The following NEBL variants were observed in gnomAD, a reference collection of about 807,000 sequenced individuals.
NEBL encodes LIM and SH3 protein 2.
A neutral mutation model predicts 140.2 loss-of-function variants in NEBL; 122 were observed. That is an observed-to-expected ratio of 0.87 (90% CI 0.75 to 1.01). NEBL has a LOEUF of 1.01. NEBL is among the 50% of genes least tolerant of loss of function. NEBL has a pLI of 0.00. For missense variants in NEBL, 1,365 were observed against 1,231.3 expected (o/e 1.11, Z -1.62); for synonymous variants, 436 against 398.9 (o/e 1.09, Z -1.11).
At chr10:21,012,522 G>GC (rs969662595) in intron 3 of NEBL, among the ~76,000 whole-genome samples, 5 of 151,932 alleles carry the variant, frequency 3.3e-5, no homozygotes, top group Non-Finnish European at 7.4e-5. Flanking sequence ...ACCATGCCTA[G>GC]CTTATTTATT....
rs952418767 is a variant in NEBL, at chr10:20,965,287, G to T, written c.250-3508C>A. 4.6e-5 allele frequency among the ~76,000 whole-genome samples: 7 copies of T among 152,344 alleles called. No individual in the cohort carries two copies. The South Asian group carries it at 1.5e-3, about 32-fold the overall frequency. Reference sequence around the variant, plus strand: ...TATGTAGGTCATAAATGGTATGTTAGTGGGAAGCGCTAAGAGAGAAAAATA... The same window carrying T: ...TATGTAGGTCATAAATGGTATGTTATTGGGAAGCGCTAAGAGAGAAAAATA... On this transcript the variant is annotated intron_variant, in intron 3 of 6. Coordinates refer to the NEBL transcript ENST00000417816.
At chr10:20,840,610 C>T in intron 13 of NEBL, 129 bp downstream of exon 13, 3 of 686,116 alleles carry the variant, frequency 4.4e-6, no homozygotes, top group Non-Finnish European at 5.1e-6. Context: ...GAAAAGACTA[C>T]AAGGATATAG....
intron 2 of NEBL, among the ~76,000 whole-genome samples, chr10:21,038,003 A>G (rs1195531696): frequency 1.3e-5 from 2 of 152,190 alleles, no homozygotes; most frequent in African/African-American, 4.8e-5. Context: ...TTTCAGAATC[A>G]AAAGTAGATT....
At chr10:21,104,767 A>C (rs1837633487) in intron 2 of NEBL, among the ~76,000 whole-genome samples, 1 of 152,184 alleles carries the variant, frequency 6.6e-6, no homozygotes, top group South Asian at 2.1e-4. Flanking sequence ...ACTATGTTAA[A>C]TAGAAGTAAT....
chr10:20,836,404 G>A (rs958510804), intron 13 of NEBL, among the ~76,000 whole-genome samples: 6 of 152,150 alleles, frequency 3.9e-5, no homozygotes, highest in Admixed American at 3.9e-4. Context: ...TGTATTTTTA[G>A]TAGAGACCAG....
At chr10:20,993,587 C>T (rs147305131) in intron 3 of NEBL, among the ~76,000 whole-genome samples, 1 of 152,166 alleles carries the variant, frequency 6.6e-6, no homozygotes, top group African/African-American at 2.4e-5. Flanking sequence ...GGCAGCTATA[C>T]AGAACATGTT....
chr10:20,815,834 T>A, intron 21 of NEBL, 117 bp from the exon 22 acceptor site: 1 of 766,832 alleles, frequency 1.3e-6, no homozygotes, highest in Non-Finnish European at 2.3e-6. Flanking sequence ...AGTGGTACAA[T>A]CTTTGCTCAC....
intron 3 of NEBL, among the ~76,000 whole-genome samples, chr10:20,991,713 A>G (rs1202273687): frequency 6.6e-6 from 1 of 151,736 alleles, no homozygotes; most frequent in Admixed American, 6.6e-5. Context: ...CTCATTGCCC[A>G]GGTAGTGAAC....
At chr10:20,999,856 A>G (rs772808600) in intron 3 of NEBL, among the ~76,000 whole-genome samples, 6 of 152,008 alleles carry the variant, frequency 3.9e-5, no homozygotes, top group Non-Finnish European at 7.4e-5. Context: ...ATAATAATCT[A>G]TACTCTAATT....
chr10:21,104,463 A>T (rs893153213), intron 2 of NEBL, among the ~76,000 whole-genome samples: 1 of 152,156 alleles, frequency 6.6e-6, no homozygotes, highest in East Asian at 1.9e-4. Flanking sequence ...CCTCAAATTT[A>T]TCCCCAGTAT....
chr10:21,162,179 T>G (rs1014817174), intron 2 of NEBL, among the ~76,000 whole-genome samples: 1 of 152,202 alleles, frequency 6.6e-6, no homozygotes, highest in Non-Finnish European at 1.5e-5. Context: ...AAAACACATA[T>G]TGATCCCACA....
At chr10:21,196,101 T>A (rs1841642954) in intron 3 of NEBL, among the ~76,000 whole-genome samples, 3 of 152,098 alleles carry the variant, frequency 2.0e-5, no homozygotes, top group Non-Finnish European at 4.4e-5. Flanking sequence ...ACTCCCGGGT[T>A]CAAGTGATTC....
chr10:21,106,156 T>C (rs1318225382), intron 2 of NEBL, among the ~76,000 whole-genome samples: 1 of 152,174 alleles, frequency 6.6e-6, no homozygotes, highest in Non-Finnish European at 1.5e-5. Flanking sequence ...ACTCTGATGA[T>C]AGTTTCTTTT....
intron 3 of NEBL, among the ~76,000 whole-genome samples, chr10:20,889,077 C>A (rs1488822977): frequency 1.3e-5 from 2 of 152,092 alleles, no homozygotes; most frequent in African/African-American, 4.8e-5. Flanking sequence ...AGAAATAATC[C>A]CAAGGACATC....
chr10:20,992,211 C>T lies in NEBL; in HGVS notation c.249+27906G>A, dbSNP rs1352564197. 3.9e-5 allele frequency among the ~76,000 whole-genome samples: 6 copies of T among 152,224 alleles called. No individual in the cohort carries two copies. In the South Asian group the frequency reaches 8.3e-4, roughly 21 times the overall value. The stretch of plus-strand genomic sequence containing the variant: ...AACGTTGGTTTAAAAATAGATATTA[C>T]AGATGTATATGAACATTTTTTATGT... On this transcript the variant is annotated intron_variant, in intron 3 of 6. Transcript: ENST00000417816.
At position 20,817,700 on chromosome 10, in the gene NEBL, G is replaced by T. The variant is rs776696922; in HGVS notation, c.2056-8C>A. ...TTCTCCCTTATATTTTACCTAAGAA[G>T]GATAAATAAGAACTTTAACAGATAG... On this transcript the variant is annotated splice_polypyrimidine_tract_variant and splice_region_variant and intron_variant, in intron 20 of 27. Transcript: ENST00000377122. 1 of 1,598,082 alleles carries T rather than the reference G, an allele frequency of 6.3e-7. No homozygotes were observed. The highest frequency in any genetic ancestry group is 1.3e-5 in the African/African-American group (1 of 74,474).
chr10:21,053,736 A>C (rs1038729745), intron 2 of NEBL, among the ~76,000 whole-genome samples: 1 of 152,170 alleles, frequency 6.6e-6, no homozygotes, highest in Non-Finnish European at 1.5e-5. Flanking sequence ...AGTGGGATTT[A>C]AGAAGTATGC....
intron 4 of NEBL, among the ~76,000 whole-genome samples, chr10:20,957,102 C>T (rs1262351388): frequency 6.6e-6 from 1 of 152,122 alleles, no homozygotes; most frequent in Non-Finnish European, 1.5e-5. Context: ...TCATGTTCAC[C>T]CTTGCACTCA....
intron 3 of NEBL, among the ~76,000 whole-genome samples, chr10:21,008,045 C>A (rs1482773142): frequency 6.6e-6 from 1 of 152,126 alleles, no homozygotes; most frequent in African/African-American, 2.4e-5. Context: ...AGAAAAGACA[C>A]TTCATGTTTT....
Sources: gnomAD v4.1 joint callset for allele counts (sites outside exome capture counted in the v4.1 genomes callset) on GRCh38, gnomAD v4.1.1 for gene constraint, MANE v1.5 for transcripts, NCBI Gene and HGNC (gene_info 2026-07-23, HGNC 2026-07-21) for gene names.